SHC3: variants seen among roughly 807,000 people sequenced by gnomAD.
SHC3 encodes SHC adaptor protein 3.
A neutral mutation model predicts 60.4 loss-of-function variants in SHC3; 15 were observed. The observed-to-expected ratio is 0.25, with a 90% CI of 0.17 to 0.38. The LOEUF (loss-of-function observed/expected upper bound fraction) is 0.38, where lower values mean the gene tolerates loss of function less well. Ranked by LOEUF, SHC3 falls within the 10% of genes least tolerant of loss-of-function variation. SHC3 has a pLI of 1.00. For synonymous variants in SHC3, 294 were observed against 325.9 expected, an observed-to-expected ratio of 0.90 and a Z score of 1.05; for missense variants, 677 against 786.1, an observed-to-expected ratio of 0.86 and a Z score of 1.66.
intron 1 of SHC3, among the ~76,000 whole-genome samples, chr9:89,168,755 A>G (rs959756217): frequency 6.6e-6 from 1 of 152,158 alleles, no homozygotes; most frequent in Non-Finnish European, 1.5e-5. Flanking sequence ...CTTTTTGATA[A>G]AATTAACATT....
intron 7 of SHC3, among the ~76,000 whole-genome samples, chr9:89,049,435 TAC>T (rs1455231216): frequency 6.6e-6 from 1 of 152,220 alleles, no homozygotes. Flanking sequence ...ATACATTATG[TAC>T]ACTGCCAGAG....
At chr9:89,135,829 A>G (rs1045068126) in intron 1 of SHC3, among the ~76,000 whole-genome samples, 2 of 152,188 alleles carry the variant, frequency 1.3e-5, no homozygotes, top group Non-Finnish European at 2.9e-5. Context: ...GGAATCAGCT[A>G]GCAACCCCAT....
chr9:89,078,960 A>G (rs1207467760), intron 2 of SHC3, among the ~76,000 whole-genome samples: 1 of 152,220 alleles, frequency 6.6e-6, no homozygotes, highest in Non-Finnish European at 1.5e-5. Context: ...ACGAAAAATA[A>G]TCACCATAAC....
intron 1 of SHC3, among the ~76,000 whole-genome samples, chr9:89,127,296 C>T (rs1199764146): frequency 6.6e-6 from 1 of 152,060 alleles, no homozygotes; most frequent in South Asian, 2.1e-4. Context: ...TGGGAGGTTA[C>T]CTTTGGTACA....
At chr9:89,110,178 A>G in intron 2 of SHC3, 1 of 985,436 alleles carries the variant, frequency 1.0e-6, no homozygotes, top group Non-Finnish European at 1.2e-6. Context: ...GAGTTTTCAA[A>G]TCACCTCAAT....
At chr9:89,129,673 G>A (rs1235665066) in intron 1 of SHC3, among the ~76,000 whole-genome samples, 1 of 152,096 alleles carries the variant, frequency 6.6e-6, no homozygotes, top group Non-Finnish European at 1.5e-5. Context: ...CATAAGTGAA[G>A]GAGAAATAAA....
intron 11 of SHC3, among the ~76,000 whole-genome samples, chr9:89,027,543 C>T (rs949663170): frequency 6.6e-6 from 1 of 151,996 alleles, no homozygotes; most frequent in African/African-American, 2.4e-5. Context: ...GTCACAATCC[C>T]CTGACCTCGT....
At chr9:89,100,089 C>G (rs779122655) in intron 2 of SHC3, among the ~76,000 whole-genome samples, 26 of 152,118 alleles carry the variant, frequency 1.7e-4, no homozygotes, top group Admixed American at 8.5e-4. Flanking sequence ...ATTAAAAGCT[C>G]ATGAGACATA....
At chr9:89,122,502 C>T (rs1486379532) in intron 1 of SHC3, among the ~76,000 whole-genome samples, 1 of 152,192 alleles carries the variant, frequency 6.6e-6, no homozygotes, top group Non-Finnish European at 1.5e-5. Flanking sequence ...TTTTAGAAGG[C>T]TTGACAACAC....
intron 1 of SHC3, among the ~76,000 whole-genome samples, chr9:89,123,859 G>A (rs955140742): frequency 3.9e-5 from 6 of 152,074 alleles, no homozygotes; most frequent in Non-Finnish European, 5.9e-5. Context: ...GCCCATAAAT[G>A]GGAATGTCAT....
chr9:89,023,903 G>A (rs993629002), intron 11 of SHC3, among the ~76,000 whole-genome samples: 1 of 152,228 alleles, frequency 6.6e-6, no homozygotes, highest in African/African-American at 2.4e-5. Context: ...GCTTGTGAAA[G>A]TTCAGACTAC....
intron 1 of SHC3, among the ~76,000 whole-genome samples, chr9:89,140,317 G>T (rs1478559615): frequency 3.3e-5 from 5 of 152,086 alleles, no homozygotes; most frequent in African/African-American, 1.2e-4. Context: ...AGCAGGGACA[G>T]CTGGAAGGCA....
chr9:89,140,009 G>A (rs1303971601), intron 1 of SHC3, among the ~76,000 whole-genome samples: 1 of 152,132 alleles, frequency 6.6e-6, no homozygotes, highest in African/African-American at 2.4e-5. Flanking sequence ...AAATTTTGAA[G>A]ACATTTTAAT....
intron 6 of SHC3, among the ~76,000 whole-genome samples, chr9:89,058,010 G>T (rs1028936995): frequency 1.9e-4 from 29 of 152,240 alleles, no homozygotes; most frequent in Admixed American, 1.4e-3. Flanking sequence ...GCCAAAGAAT[G>T]GCTGGGCCAC....
intron 7 of SHC3, among the ~76,000 whole-genome samples, chr9:89,047,532 A>G (rs1824793637): frequency 6.6e-6 from 1 of 152,202 alleles, no homozygotes; most frequent in African/African-American, 2.4e-5. Context: ...TATATAAAGT[A>G]CTCGTACGAC....
In SHC3 at chr9:89,121,499, A is replaced by G. The variant is rs562159600; in HGVS notation, c.475-8873T>C. 1.1e-4 allele frequency among the ~76,000 whole-genome samples: 17 copies of G among 152,274 alleles called. 1 individual carries two copies. In the South Asian group the frequency reaches 3.3e-3, roughly 30 times the overall value. On this transcript the variant is annotated intron_variant, in intron 1 of 11. Coordinates refer to ENST00000375835, the MANE Select transcript of SHC3 (RefSeq NM_016848.6). ...GAGATGGGGTTTCTCCATGTTGGTC[A>G]GGCTGGTCTTAAACTCCCGACCTCA...
chr9:89,071,120 G>A (rs2117994152), intron 5 of SHC3, 79 bp downstream of exon 5: 2 of 1,366,614 alleles, frequency 1.5e-6, no homozygotes, highest in Admixed American at 1.8e-5. Context: ...ACAGTGTCTT[G>A]CAAGGCATAT....
At chr9:89,032,053 C>T (rs2117852643) in intron 11 of SHC3, among the ~76,000 whole-genome samples, 2 of 152,242 alleles carry the variant, frequency 1.3e-5, no homozygotes, top group Middle Eastern at 3.4e-3. Context: ...TCATCTGGAT[C>T]CTGAGTCACC....
intron 1 of SHC3, among the ~76,000 whole-genome samples, chr9:89,155,436 T>C (rs946008290): frequency 6.6e-6 from 1 of 151,986 alleles, no homozygotes; most frequent in Non-Finnish European, 1.5e-5. Context: ...GTCTTGGGGG[T>C]CTCAGCTCCC....
Sources: gnomAD v4.1 joint callset for allele counts (sites outside exome capture counted in the v4.1 genomes callset) on GRCh38, gnomAD v4.1.1 for gene constraint, MANE v1.5 for transcripts, NCBI Gene and HGNC (gene_info 2026-07-23, HGNC 2026-07-21) for gene names.